Variants in ITGA1 observed in about 807,000 individuals in gnomAD.
ITGA1 encodes the protein integrin alpha-1.
Under a neutral mutation model 145.9 loss-of-function variants are expected in ITGA1, and 85 were observed. That is an observed-to-expected ratio of 0.58 (90% CI 0.49 to 0.70). The LOEUF is 0.70. Ranked by LOEUF, ITGA1 falls within the 30% of genes least tolerant of loss-of-function variation. The probability of loss-of-function intolerance (pLI) is 0.00; values close to 1 mark genes in which losing one functional copy is unlikely to be tolerated. For synonymous variants in ITGA1, 520 were observed against 495.3 expected (o/e 1.05, Z -0.66); for missense variants, 1,351 against 1,418.7 (o/e 0.95, Z 0.77).
rs10053233 is a variant in ITGA1 at position 52,836,577 on chromosome 5, G to A, written c.62-12788G>A. Reference sequence around the variant, plus strand: ...ACAAATCACCCTTGGCCAGATTTCCGCCACTTGGTTGTTCATTTTGCCTAC... The same window carrying A: ...ACAAATCACCCTTGGCCAGATTTCCACCACTTGGTTGTTCATTTTGCCTAC... On this transcript the variant is annotated intron_variant, in intron 1 of 28. Transcript: ENST00000282588. 9.3e-3 allele frequency among the ~76,000 whole-genome samples: 1,407 copies of A among 152,096 alleles called. 31 individuals are homozygous for A. The highest frequency in any genetic ancestry group is 0.033 in the African/African-American group (1,353 of 41,492).
At chr5:52,888,679 A>G (rs1750094904) in intron 8 of ITGA1, among the ~76,000 whole-genome samples, 1 of 152,244 alleles carries the variant, frequency 6.6e-6, no homozygotes, top group African/African-American at 2.4e-5. Flanking sequence ...TGGTATGCCA[A>G]TTACTTCAGA....
chr5:52,935,791 A>G (rs1219613255), intron 23 of ITGA1, among the ~76,000 whole-genome samples: 5 of 152,206 alleles, frequency 3.3e-5, no homozygotes, highest in African/African-American at 1.2e-4. Context: ...TTATTGTGTT[A>G]CAAATTTTAT....
intron 1 of ITGA1, among the ~76,000 whole-genome samples, chr5:52,830,771 G>T (rs1357814378): frequency 6.6e-6 from 1 of 152,130 alleles, no homozygotes; most frequent in African/African-American, 2.4e-5. Flanking sequence ...TACAGCAGAG[G>T]CACTCACCCT....
chr5:52,918,854 T>A lies in ITGA1; in HGVS notation c.2111T>A (p.Phe704Tyr). ...GTATGCATAAATGCTACAGTGTGTT[T>A]TGATGTGAAATTAAAGTCTAAAGAA... ...ETVCINATVC[F>Y]DVKLKSKEDT... Residue 704 changes from phenylalanine to tyrosine, a missense_variant, in exon 16 of 29, where the codon TTT becomes TAT. Transcript: ENST00000282588. The A allele has an allele frequency of 6.2e-7, 1 of 1,606,012 alleles. No homozygotes were observed. The highest frequency in any genetic ancestry group is 8.5e-7 in the Non-Finnish European group (1 of 1,177,636).
rs1203330184 is a variant in ITGA1, at chr5:52,911,593, AC to A, written c.1857+1175del. ...TATATACTATATATATAGTGTATCT[AC>A]TATATATACTATATATATAGTGTAT... is the stretch of plus-strand genomic sequence containing the variant. On this transcript the variant is annotated intron_variant, in intron 14 of 28. Coordinates refer to ENST00000282588, the MANE Select transcript of ITGA1 (RefSeq NM_181501.2). Among the ~76,000 whole-genome samples the A allele has an allele frequency of 4.3e-4, 27 of 62,204 alleles. 1 individual carries two copies. The highest frequency in any genetic ancestry group is 9.2e-4 in the Non-Finnish European group (26 of 28,174). The allele number at this position is 62,204 out of a possible 152,430, so 40.8% of individuals were successfully genotyped here.
intron 8 of ITGA1, among the ~76,000 whole-genome samples, chr5:52,890,165 C>T (rs1750123719): frequency 6.6e-6 from 1 of 152,168 alleles, no homozygotes; most frequent in South Asian, 2.1e-4. Context: ...TACCACCTGC[C>T]TTCCTCCACC....
At chr5:52,951,917 C>A (rs1026594106) in intron 28 of ITGA1, among the ~76,000 whole-genome samples, 1 of 152,092 alleles carries the variant, frequency 6.6e-6, no homozygotes, top group Admixed American at 6.5e-5. Flanking sequence ...CGCGGCCCGG[C>A]GCGATGGCTC....
chr5:52,838,550 T>A (rs1749199974), intron 1 of ITGA1, among the ~76,000 whole-genome samples: 1 of 152,178 alleles, frequency 6.6e-6, no homozygotes, highest in Non-Finnish European at 1.5e-5. Flanking sequence ...AAAAGAAATG[T>A]TATGAATCCG....
At chr5:52,878,902 G>T (rs1749910809) in intron 6 of ITGA1, among the ~76,000 whole-genome samples, 1 of 149,810 alleles carries the variant, frequency 6.7e-6, no homozygotes, top group Non-Finnish European at 1.5e-5. Context: ...GGTTAAATGA[G>T]TTAAATGTTT....
intron 19 of ITGA1, among the ~76,000 whole-genome samples, chr5:52,926,958 T>C (rs572670333): frequency 1.3e-5 from 2 of 152,354 alleles, no homozygotes; most frequent in Admixed American, 1.3e-4. Context: ...AACATTCTTG[T>C]AATTGCATTT....
intron 1 of ITGA1, among the ~76,000 whole-genome samples, chr5:52,814,147 GTT>G (rs988082523): frequency 2.6e-5 from 4 of 152,008 alleles, no homozygotes; most frequent in Non-Finnish European, 4.4e-5. Context: ...TTGTTTTTTG[GTT>G]TGTTTGTTTG....
At chr5:52,937,953 T>TCTC (rs1750996315) in intron 24 of ITGA1, among the ~76,000 whole-genome samples, 2 of 131,534 alleles carry the variant, frequency 1.5e-5, no homozygotes, top group Non-Finnish European at 3.6e-5. Context: ...CCTTCTCTCT[T>TCTC]TGTGTTTCTG....
intron 16 of ITGA1, 100 bp from the exon 17 acceptor site, chr5:52,920,232 G>T: frequency 5.6e-6 from 5 of 890,268 alleles, no homozygotes; most frequent in Non-Finnish European, 8.3e-6. Context: ...TTGATTGATT[G>T]CCAAAGAGAT....
intron 6 of ITGA1, among the ~76,000 whole-genome samples, chr5:52,872,114 A>G (rs548375911): frequency 6.6e-6 from 1 of 152,358 alleles, no homozygotes; most frequent in African/African-American, 2.4e-5. Flanking sequence ...AGTGTAGCAT[A>G]GCATTAAACC....
In ITGA1 at chr5:52,861,513, A is replaced by G. The variant is rs61757093; in HGVS notation, c.249A>G (p.Pro83=). The G allele has an allele frequency of 5.1e-3, 8,293 of 1,613,816 alleles. 24 individuals carry two copies. The highest frequency in any genetic ancestry group is 6.3e-3 in the Non-Finnish European group (7,384 of 1,179,740). The change falls in exon 3 of 29, where the codon CCA becomes CCG. Residue 83 remains proline, a synonymous_variant. Transcript: ENST00000282588. ...KNRTGDVYKC[P]VGRGESLPCV... Reference sequence around the variant, plus strand: ...GAACTGGAGATGTCTATAAGTGTCCAGTTGGGAGAGGTGAATCATTACCTT... The same window carrying G: ...GAACTGGAGATGTCTATAAGTGTCCGGTTGGGAGAGGTGAATCATTACCTT...
Position 52,887,995 on chromosome 5 carries a change from C to T in ITGA1, c.924+30C>T, listed in dbSNP as rs760402452. The T allele has an allele frequency of 2.5e-6, 4 of 1,602,248 alleles. No homozygotes were observed. The South Asian group carries it at 3.3e-5, about 13-fold the overall frequency. Reference sequence around the variant, plus strand: ...GTGTGTTGCCGGAGATATTTTCAAACTCTTAGGTGTAGAGAAGAGCTGTGT... The same window carrying T: ...GTGTGTTGCCGGAGATATTTTCAAATTCTTAGGTGTAGAGAAGAGCTGTGT... On this transcript the variant is annotated intron_variant, in intron 8 of 28. Coordinates refer to ENST00000282588, the MANE Select transcript of ITGA1 (RefSeq NM_181501.2).
chr5:52,923,062 C>T (rs914216043), intron 18 of ITGA1, among the ~76,000 whole-genome samples, 175 bp downstream of exon 18: 1 of 152,110 alleles, frequency 6.6e-6, no homozygotes, highest in Non-Finnish European at 1.5e-5. Flanking sequence ...AAAGAGGGAG[C>T]TCTTGCTCTA....
chr5:52,837,420 C>T (rs1749176686), intron 1 of ITGA1, among the ~76,000 whole-genome samples: 2 of 152,268 alleles, frequency 1.3e-5, no homozygotes, highest in African/African-American at 4.8e-5. Flanking sequence ...GCACTCACCC[C>T]ATGGAAGGAA....
intron 11 of ITGA1, chr5:52,904,881 A>T (rs1750374284): frequency 6.6e-6 from 1 of 151,838 alleles, no homozygotes; most frequent in Non-Finnish European, 1.5e-5. Flanking sequence ...AGGAAAGATC[A>T]GATACGTGAA....
Sources: allele counts gnomAD v4.1 joint callset (sites outside exome capture counted in the v4.1 genomes callset), GRCh38; gene constraint gnomAD v4.1.1; transcripts MANE v1.5; gene names NCBI Gene and HGNC (gene_info 2026-07-23, HGNC 2026-07-21).